Variants in RFFL observed in about 807,000 individuals in gnomAD.
RFFL encodes E3 ubiquitin-protein ligase rififylin.
Under a neutral mutation model 40.4 loss-of-function variants are expected in RFFL, and 16 were observed. That is an observed-to-expected ratio of 0.40 (90% CI 0.27 to 0.60). The LOEUF (loss-of-function observed/expected upper bound fraction) is 0.60. Among genes scored for constraint, RFFL ranks in the 20% least tolerant of loss-of-function variants. RFFL has a pLI of 0.47. For synonymous variants in RFFL, 154 were observed against 167.9 expected (o/e 0.92, Z 0.64); for missense variants, 367 against 451.7 (o/e 0.81, Z 1.70).
chr17:35,045,889 T>C (rs1259170334), intron 1 of RFFL, among the ~76,000 whole-genome samples: 1 of 151,290 alleles, frequency 6.6e-6, no homozygotes, highest in Non-Finnish European at 1.5e-5. Flanking sequence ...CTGGGCGTGG[T>C]GGTGTATATG....
chr17:35,077,107 A>T (rs1208793262), intron 1 of RFFL: 1 of 151,072 alleles, frequency 6.6e-6, no homozygotes, highest in African/African-American at 2.4e-5. Flanking sequence ...TATATAAATT[A>T]TTTATAATAA....
chr17:35,064,203 A>T (rs141217006), upstream of RFFL, among the ~76,000 whole-genome samples: 1,534 of 152,194 alleles, frequency 0.01, 14 homozygotes, highest in South Asian at 0.047. Context: ...AACCAGGCTC[A>T]TTGTTCTTTT....
intron 1 of RFFL, among the ~76,000 whole-genome samples, chr17:35,059,461 CA>C (rs796789812): frequency 3.3e-5 from 5 of 150,810 alleles, no homozygotes; most frequent in Non-Finnish European, 5.9e-5. Context: ...TCATATGGGA[CA>C]AAAAAAAATA....
chr17:35,009,096 C>T lies in RFFL; in HGVS notation c.*2872G>A, dbSNP rs192808288. The stretch of plus-strand genomic sequence containing the variant: ...CAGTCCTATCAACCTCTAACATCCT[C>T]GCACCAGACAGGACAGGTGTCTGTA... On this transcript the variant is annotated 3_prime_UTR_variant, in exon 7 of 7. Transcript: ENST00000394597. 1.3e-4 allele frequency: 20 copies of T among 152,764 alleles called. No individual in the cohort carries two copies. In the East Asian group the frequency reaches 3.7e-3, roughly 28 times the overall value. The allele number at this position is 152,764 out of a possible 1,614,324, so 9.5% of individuals were successfully genotyped here.
intron 1 of RFFL, among the ~76,000 whole-genome samples, chr17:35,038,517 T>C (rs2142342048): frequency 6.6e-6 from 1 of 152,278 alleles, no homozygotes; most frequent in Middle Eastern, 3.4e-3. Context: ...CCTACTGTAA[T>C]AGCCTCAAGC....
At chr17:35,050,319 G>A (rs2091224661) in intron 1 of RFFL, among the ~76,000 whole-genome samples, 1 of 152,106 alleles carries the variant, frequency 6.6e-6, no homozygotes, top group African/African-American at 2.4e-5. Flanking sequence ...TACTGTGAGA[G>A]GCCAAGAGAG....
chr17:35,055,903 G>A (rs578238832), intron 1 of RFFL, among the ~76,000 whole-genome samples: 2 of 152,066 alleles, frequency 1.3e-5, no homozygotes, highest in Admixed American at 6.5e-5. Flanking sequence ...CAACCAGTTT[G>A]AAGACCCTCA....
At chr17:35,067,734 T>C (rs2091327746), upstream of RFFL, among the ~76,000 whole-genome samples, 1 of 152,078 alleles carries the variant, frequency 6.6e-6, no homozygotes, top group Non-Finnish European at 1.5e-5. Context: ...GGATTATAGG[T>C]GTGAGCCACT....
At chr17:35,026,019 A>T (rs1365272930) in intron 2 of RFFL, among the ~76,000 whole-genome samples, 1 of 152,192 alleles carries the variant, frequency 6.6e-6, no homozygotes, top group Non-Finnish European at 1.5e-5. Context: ...TGTGCTAGGC[A>T]CCTTTCATGG....
intron 1 of RFFL, among the ~76,000 whole-genome samples, chr17:35,029,899 T>A (rs2142331896): frequency 6.8e-6 from 1 of 146,086 alleles, no homozygotes; most frequent in East Asian, 2.1e-4. Flanking sequence ...TGTCCATGTG[T>A]TCTCATTGTT....
intron 1 of RFFL, among the ~76,000 whole-genome samples, chr17:35,059,095 T>G (rs1319846237): frequency 6.7e-6 from 1 of 148,640 alleles, no homozygotes; most frequent in Non-Finnish European, 1.5e-5. Flanking sequence ...CTTGGCTCAC[T>G]GCAACCTCCG....
intron 1 of RFFL, among the ~76,000 whole-genome samples, chr17:35,061,302 G>A (rs1313719989): frequency 6.6e-6 from 1 of 152,340 alleles, no homozygotes; most frequent in South Asian, 2.1e-4. Context: ...TGAACTAGGA[G>A]TTACAAACTC....
intron 1 of RFFL, among the ~76,000 whole-genome samples, chr17:35,078,373 GT>G (rs2091387668): frequency 1.3e-5 from 2 of 152,114 alleles, no homozygotes. Context: ...TGCAACCATA[GT>G]TCATTATAAC....
chr17:35,083,780 C>CAA (rs1386219932), intron 1 of RFFL, among the ~76,000 whole-genome samples: 4 of 76,914 alleles, frequency 5.2e-5, no homozygotes, highest in Non-Finnish European at 1.1e-4. Flanking sequence ...GACTCTGTCT[C>CAA]AAAAAAAAAA....
chr17:35,013,987 A>G (rs1233842786), intron 6 of RFFL, among the ~76,000 whole-genome samples: 1 of 152,230 alleles, frequency 6.6e-6, no homozygotes, highest in African/African-American at 2.4e-5. Context: ...TACTAAATAA[A>G]TTTGGGAAAT....
At chr17:35,016,336 G>C in intron 5 of RFFL, 34 bp downstream of exon 5, 1 of 1,586,660 alleles carries the variant, frequency 6.3e-7, no homozygotes, top group Non-Finnish European at 8.7e-7. Context: ...ACACTCCTGA[G>C]CTCTGTAAAG....
At chr17:35,012,211 A>T in intron 6 of RFFL, 62 bp from the exon 7 acceptor site, 1 of 1,453,048 alleles carries the variant, frequency 6.9e-7, no homozygotes, top group Non-Finnish European at 9.4e-7. Context: ...TCTTAAGTGT[A>T]TAGGGGTGAC....
intron 1 of RFFL, among the ~76,000 whole-genome samples, chr17:35,070,798 T>C (rs1203580428): frequency 1.3e-5 from 2 of 152,164 alleles, no homozygotes; most frequent in Non-Finnish European, 2.9e-5. Flanking sequence ...TTCAGAGAGC[T>C]AAAAATACAA....
upstream of RFFL, among the ~76,000 whole-genome samples, chr17:35,065,621 G>A (rs1460679887): frequency 6.6e-6 from 1 of 150,382 alleles, no homozygotes; most frequent in African/African-American, 2.4e-5. Flanking sequence ...AGACAGATAC[G>A]AACTATATAA....
Sources: gnomAD v4.1 joint callset for allele counts (sites outside exome capture counted in the v4.1 genomes callset) on GRCh38, gnomAD v4.1.1 for gene constraint, MANE v1.5 for transcripts, NCBI Gene and HGNC (gene_info 2026-07-23, HGNC 2026-07-21) for gene names.